Variants in NUP54 observed in about 807,000 individuals in gnomAD.
NUP54 encodes the protein nucleoporin p54.
In NUP54, 27 loss-of-function variants were observed where a neutral mutation model predicts 66.4. The observed-to-expected ratio is 0.41, with a 90% confidence interval of 0.30 to 0.56. NUP54 has a LOEUF of 0.56. NUP54 is among the 20% of genes least tolerant of loss of function. The pLI, the probability that NUP54 is intolerant of heterozygous loss-of-function variation, is 0.34. For missense variants in NUP54, 486 were observed against 596.3 expected (o/e 0.82, Z 1.93); for synonymous variants, 206 against 210.7 (o/e 0.98, Z 0.19).
At chr4:76,137,398 A>T (rs1731082639) in intron 3 of NUP54, among the ~76,000 whole-genome samples, 1 of 152,226 alleles carries the variant, frequency 6.6e-6, no homozygotes, top group Non-Finnish European at 1.5e-5. Flanking sequence ...GAAGGGATGC[A>T]TGTGGATAAA....
At chr4:76,147,552 A>G in intron 1 of NUP54, 1 of 1,289,782 alleles carries the variant, frequency 7.8e-7, no homozygotes, top group Admixed American at 2.3e-5. Context: ...TCCCAATATT[A>G]AAGTTCACTG....
At chr4:76,127,124 T>C (rs141892882) in intron 8 of NUP54, among the ~76,000 whole-genome samples, 21 of 152,280 alleles carry the variant, frequency 1.4e-4, no homozygotes, top group African/African-American at 5.1e-4. Flanking sequence ...GAATATCATA[T>C]TTTTATAGGC....
At chr4:76,118,810 C>G (rs1033434099) in intron 9 of NUP54, among the ~76,000 whole-genome samples, 1 of 151,868 alleles carries the variant, frequency 6.6e-6, no homozygotes, top group Non-Finnish European at 1.5e-5. Context: ...TGAGACCATC[C>G]TGGCTAACAT....
In NUP54 at chr4:76,115,464, G is replaced by A. The variant is rs1729910321; in HGVS notation, c.1426C>T (p.His476Tyr). Residue 476 changes from histidine to tyrosine, a missense_variant, in exon 12 of 12, where the codon CAT becomes TAT. His to Tyr is a moderately conservative substitution (Grantham distance 83). Transcript: ENST00000264883. The stretch of plus-strand genomic sequence containing the variant: ...TCGTCTTTAATGATGCTAATCAAAT[G>A]GCTAAGGCCTTCCTGTTGTTGTTTC... ...HLKQQQEGLS[H>Y]LISIIKDDLE... is the part of the protein sequence containing the mutation. 7 of 1,608,298 alleles carry A rather than the reference G, an allele frequency of 4.4e-6. No individual in the cohort carries two copies. The East Asian group carries it at 1.6e-4, about 36-fold the overall frequency.
intron 6 of NUP54, among the ~76,000 whole-genome samples, chr4:76,131,915 C>T (rs929176215): frequency 6.6e-6 from 1 of 152,042 alleles, no homozygotes; most frequent in African/African-American, 2.4e-5. Flanking sequence ...CCATGGAATA[C>T]TATGCAATGT....
chr4:76,142,915 C>T (rs531584363), intron 3 of NUP54, among the ~76,000 whole-genome samples: 2 of 151,994 alleles, frequency 1.3e-5, no homozygotes, highest in East Asian at 3.9e-4. Flanking sequence ...ATTCTGAAAA[C>T]CAGTAATAAA....
chr4:76,133,683 T>C (rs1270370594), intron 5 of NUP54, among the ~76,000 whole-genome samples: 1 of 152,220 alleles, frequency 6.6e-6, no homozygotes, highest in Non-Finnish European at 1.5e-5. Flanking sequence ...GGAAATTCTG[T>C]TGAAATTTAT....
chr4:76,133,025 GTGTC>G (rs1560685777), intron 5 of NUP54, among the ~76,000 whole-genome samples: 1 of 148,104 alleles, frequency 6.8e-6, no homozygotes, highest in African/African-American at 2.5e-5. Flanking sequence ...ACATGTATGT[GTGTC>G]TATACATAAA....
chr4:76,145,675 A>C, intron 1 of NUP54: 1 of 675,820 alleles, frequency 1.5e-6, no homozygotes, highest in Middle Eastern at 3.0e-4. Context: ...CTGATTACCA[A>C]TGTGGTATCA....
rs1731385824 is a variant in NUP54 at position 76,144,209 on chromosome 4, T to G, written c.235A>C (p.Thr79Pro). The change falls in exon 3 of 12, where the codon ACT becomes CCT. Residue 79 changes from threonine to proline, a missense_variant. Coordinates refer to ENST00000264883, the MANE Select transcript of NUP54 (RefSeq NM_017426.4). ...AATCCCAGTCCAGTTCCCAAACCAGTACCTAAACCAGTACTAGTTCCCGTT... is the reference window on the plus strand; with the variant it reads ...AATCCCAGTCCAGTTCCCAAACCAGGACCTAAACCAGTACTAGTTCCCGTT... Reference protein sequence around the residue: ...TTTGTSTGLGTGLGTGLGFGG... With the variant: ...TTTGTSTGLGPGLGTGLGFGG... 6.2e-7 allele frequency: 1 copy of G among 1,613,748 alleles called. No individual in the cohort carries two copies. The highest frequency in any genetic ancestry group is 1.3e-5 in the African/African-American group (1 of 74,876).
chr4:76,139,281 TG>T (rs934841894), intron 3 of NUP54, among the ~76,000 whole-genome samples: 18 of 152,310 alleles, frequency 1.2e-4, no homozygotes, highest in African/African-American at 3.8e-4. Flanking sequence ...CTGAACCTAC[TG>T]ATCAATCTTA....
intron 8 of NUP54, 146 bp downstream of exon 8, chr4:76,130,507 AGGT>A (rs1219591217): frequency 3.7e-6 from 2 of 543,364 alleles, no homozygotes; most frequent in African/African-American, 3.7e-5. Context: ...ATCATAAAGA[AGGT>A]AGTTGTATAA....
chr4:76,134,561 CA>C (rs1428255852), intron 4 of NUP54, among the ~76,000 whole-genome samples, 199 bp from the exon 5 acceptor site: 1 of 151,898 alleles, frequency 6.6e-6, no homozygotes, highest in Non-Finnish European at 1.5e-5. Flanking sequence ...CCAGGAATAA[CA>C]TTAACCTATA....
chr4:76,132,405 A>C, intron 6 of NUP54, 118 bp downstream of exon 6: 1 of 658,226 alleles, frequency 1.5e-6, no homozygotes. Context: ...AAGTAGATAT[A>C]TGACAAGATG....
In NUP54 at chr4:76,142,396, G is replaced by A. The variant is rs114403466; in HGVS notation, c.295+1753C>T. ...TTAATAACTAATCTTCAGTGACTGA[G>A]TAGGATGAATTTTAGCTAGTCAATC... On this transcript the variant is annotated intron_variant, in intron 3 of 11. Coordinates refer to ENST00000264883, the MANE Select transcript of NUP54 (RefSeq NM_017426.4). Among the ~76,000 whole-genome samples, 949 of 152,258 alleles carry A rather than the reference G, an allele frequency of 6.2e-3. 9 individuals are homozygous for A. The highest frequency in any genetic ancestry group is 0.017 in the Middle Eastern group (5 of 294).
intron 8 of NUP54, among the ~76,000 whole-genome samples, chr4:76,129,299 T>C (rs1027121909): frequency 6.6e-6 from 1 of 152,092 alleles, no homozygotes; most frequent in Non-Finnish European, 1.5e-5. Context: ...AAAGGTAAAT[T>C]TGCCAAGAAA....
At position 76,132,486 on chromosome 4, in the gene NUP54, T is replaced by A. The variant is rs1204701149; in HGVS notation, c.907+37A>T. The stretch of plus-strand genomic sequence containing the variant: ...ACGGGGAGTGTTTAGTTCTAAATCT[T>A]TCTTTTTTTTTGAACTCTGTGATTC... On this transcript the variant is annotated intron_variant, in intron 6 of 11. Coordinates refer to ENST00000264883, the MANE Select transcript of NUP54 (RefSeq NM_017426.4). 8 of 1,491,494 alleles carry A rather than the reference T, an allele frequency of 5.4e-6. No homozygotes were observed. In the East Asian group the frequency reaches 1.9e-4, roughly 35 times the overall value. 92.4% of individuals were successfully genotyped at this position (1,491,494 alleles called of 1,614,324 possible).
intron 3 of NUP54, among the ~76,000 whole-genome samples, chr4:76,143,477 G>A (rs902051766): frequency 3.3e-5 from 5 of 152,140 alleles, no homozygotes; most frequent in African/African-American, 1.2e-4. Context: ...GGTGGTGTGC[G>A]CCTGTAGTCC....
intron 8 of NUP54, among the ~76,000 whole-genome samples, chr4:76,129,106 T>C (rs563622238): frequency 6.6e-6 from 1 of 152,270 alleles, no homozygotes; most frequent in South Asian, 2.1e-4. Flanking sequence ...AAATGATAAA[T>C]GTATGGGGTA....
Sources: allele counts gnomAD v4.1 joint callset (sites outside exome capture counted in the v4.1 genomes callset), GRCh38; gene constraint gnomAD v4.1.1; transcripts MANE v1.5; gene names NCBI Gene and HGNC (gene_info 2026-07-23, HGNC 2026-07-21).